Variants in PTPRN2 observed in about 807,000 individuals in gnomAD.
PTPRN2 encodes the protein protein tyrosine phosphatase receptor type N2.
A neutral mutation model predicts 118.8 loss-of-function variants in PTPRN2; 74 were observed. The observed-to-expected ratio is 0.62, with a 90% confidence interval of 0.52 to 0.76. The LOEUF (loss-of-function observed/expected upper bound fraction) is 0.76. Ranked by LOEUF, PTPRN2 falls within the 30% of genes least tolerant of loss-of-function variation. The probability of loss-of-function intolerance (pLI) is 0.00; values close to 1 mark genes in which losing one functional copy is unlikely to be tolerated. For missense variants in PTPRN2, 1,481 were observed against 1,394.4 expected (o/e 1.06, Z -0.99); for synonymous variants, 641 against 608.0 (o/e 1.05, Z -0.80).
At chr7:158,499,350 G>A (rs1351332529) in intron 1 of PTPRN2, among the ~76,000 whole-genome samples, 1 of 152,124 alleles carries the variant, frequency 6.6e-6, no homozygotes, top group Non-Finnish European at 1.5e-5. Flanking sequence ...AGAAGCAAGG[G>A]CATCACATGT....
chr7:158,036,713 A>G lies in PTPRN2; in HGVS notation c.1723+44585T>C, dbSNP rs141661850. On this transcript the variant is annotated intron_variant, in intron 11 of 22. Coordinates refer to ENST00000389418, the MANE Select transcript of PTPRN2 (RefSeq NM_002847.5). Reference sequence around the variant, plus strand: ...CAAGAATAAGATTTGGTCCATTCAAAATTTTTTAAATTTTAAGAAACTAGG... The same window carrying G: ...CAAGAATAAGATTTGGTCCATTCAAGATTTTTTAAATTTTAAGAAACTAGG... Among the ~76,000 whole-genome samples the G allele has an allele frequency of 4.4e-3, 664 of 152,304 alleles. 7 individuals are homozygous for G. The highest frequency in any genetic ancestry group is 0.015 in the African/African-American group (638 of 41,564).
intron 21 of PTPRN2, among the ~76,000 whole-genome samples, chr7:157,559,550 C>G (rs986963443): frequency 6.6e-6 from 1 of 152,138 alleles, no homozygotes; most frequent in African/African-American, 2.4e-5. Context: ...ATGGAGCAAC[C>G]AGGCTGTGAG....
At chr7:158,342,457 AC>A (rs1807081446) in intron 2 of PTPRN2, among the ~76,000 whole-genome samples, 1 of 97,646 alleles carries the variant, frequency 1.0e-5, no homozygotes, top group Non-Finnish European at 2.1e-5. Flanking sequence ...TCACACCCAC[AC>A]TCTCACCATA....
Position 157,632,709 on chromosome 7 carries a change from C to T in PTPRN2, c.2197-11200G>A, listed in dbSNP as rs192027358. 3.0e-4 allele frequency among the ~76,000 whole-genome samples: 46 copies of T among 152,052 alleles called. No homozygotes were observed. Among genetic ancestry groups the T allele is most frequent in the Admixed American group, 1.9e-3 (29 of 15,274 alleles). ...TTTCAGGCTGTCATTCTCAGAGAAG[C>T]GCAAAGAATTTTAAATGAACAATTT... On this transcript the variant is annotated intron_variant, in intron 14 of 22. Coordinates refer to ENST00000389418, the MANE Select transcript of PTPRN2 (RefSeq NM_002847.5). The surrounding 1 kb of genome is among the most constrained non-coding windows in gnomAD (Gnocchi z 4.3).
chr7:158,421,946 G>A (rs4909217), intron 2 of PTPRN2, among the ~76,000 whole-genome samples: 148,086 of 152,326 alleles, frequency 0.97, 72,015 homozygotes, highest in African/African-American at 0.99. Context: ...TCATTTTCAG[G>A]TCTGTGAAAT....
chr7:158,348,130 T>C (rs1157112215), intron 2 of PTPRN2, among the ~76,000 whole-genome samples: 1 of 152,128 alleles, frequency 6.6e-6, no homozygotes, highest in Non-Finnish European at 1.5e-5. Flanking sequence ...TCATGCAGAT[T>C]GGTTGCTAAG....
At chr7:158,458,597 C>T (rs1818715779) in intron 2 of PTPRN2, among the ~76,000 whole-genome samples, 1 of 152,184 alleles carries the variant, frequency 6.6e-6, no homozygotes, top group African/African-American at 2.4e-5. Context: ...CAGCATCACC[C>T]TCTCGTGCGG....
chr7:158,434,913 A>G (rs1232711950), intron 2 of PTPRN2, among the ~76,000 whole-genome samples: 3 of 152,210 alleles, frequency 2.0e-5, no homozygotes, highest in South Asian at 2.1e-4. Flanking sequence ...ACATAACAAA[A>G]TTGGACCGTT....
At position 158,424,492 on chromosome 7, in the gene PTPRN2, T is replaced by A. The variant is rs770697418; in HGVS notation, c.163+65243A>T. On this transcript the variant is annotated intron_variant, in intron 2 of 22. Transcript: ENST00000389418. ...TGTGACCACCGGAGATGAATATTAG[T>A]GAAAGAACTGACTCTCCCGATTCCT... is the stretch of plus-strand genomic sequence containing the variant. 1.0e-3 allele frequency among the ~76,000 whole-genome samples: 154 copies of A among 151,710 alleles called. 3 individuals carry two copies. Among genetic ancestry groups the A allele is most frequent in the Non-Finnish European group, 1.3e-3 (88 of 67,836 alleles).
chr7:158,109,958 G>A (rs765561754), intron 10 of PTPRN2, among the ~76,000 whole-genome samples: 5 of 152,054 alleles, frequency 3.3e-5, no homozygotes, highest in East Asian at 1.9e-4. Flanking sequence ...AGTGAATGAC[G>A]TCACCTGTGT....
chr7:158,372,413 C>G (rs1350469266), intron 2 of PTPRN2, among the ~76,000 whole-genome samples: 1 of 147,388 alleles, frequency 6.8e-6, no homozygotes, highest in Non-Finnish European at 1.5e-5. Context: ...CAGAGCTGGT[C>G]CCCCCAACAC....
chr7:157,815,659 A>G (rs1204219822), intron 12 of PTPRN2, among the ~76,000 whole-genome samples: 1 of 152,182 alleles, frequency 6.6e-6, no homozygotes, highest in African/African-American at 2.4e-5. Flanking sequence ...ACAGGCACTC[A>G]TGGGGGTCGA....
chr7:157,806,628 A>C (rs1408872387), intron 12 of PTPRN2, among the ~76,000 whole-genome samples: 1 of 152,166 alleles, frequency 6.6e-6, no homozygotes, highest in East Asian at 1.9e-4. Flanking sequence ...GTGTATGTGC[A>C]TACGCATGTA....
At chr7:158,317,431 C>T (rs932341470) in intron 2 of PTPRN2, among the ~76,000 whole-genome samples, 5 of 152,198 alleles carry the variant, frequency 3.3e-5, no homozygotes, top group East Asian at 1.9e-4. Context: ...TCCTTTCCGG[C>T]GGCGCAGGAG....
At chr7:157,661,564 C>A (rs1563318090) in intron 13 of PTPRN2, among the ~76,000 whole-genome samples, 1 of 152,082 alleles carries the variant, frequency 6.6e-6, no homozygotes, top group African/African-American at 2.4e-5. Context: ...ATCTGAGCAG[C>A]GATAAGGCCG....
Position 158,155,101 on chromosome 7 carries a change from G to A in PTPRN2, c.910+11830C>T, listed in dbSNP as rs185253022. Among the ~76,000 whole-genome samples, 215 of 152,262 alleles carry A rather than the reference G, an allele frequency of 1.4e-3. No homozygotes were observed. In the Middle Eastern group the frequency reaches 0.027, roughly 19 times the overall value. On this transcript the variant is annotated intron_variant, in intron 6 of 22. Coordinates refer to ENST00000389418, the MANE Select transcript of PTPRN2 (RefSeq NM_002847.5). ...AATGACATTTTAAGTAGCTTTCAGT[G>A]CTCCAACTGGGCTCTCATAAGGCAA...
chr7:158,376,523 A>T (rs1307752991), intron 2 of PTPRN2, among the ~76,000 whole-genome samples: 1 of 92,244 alleles, frequency 1.1e-5, no homozygotes, highest in South Asian at 4.2e-4. Context: ...ACGTCCTGAG[A>T]GGGGGGTCAG....
chr7:157,738,130 G>A (rs1800408544), intron 12 of PTPRN2, among the ~76,000 whole-genome samples: 1 of 152,204 alleles, frequency 6.6e-6, no homozygotes, highest in Admixed American at 6.5e-5. Flanking sequence ...TACTTCTTTT[G>A]AAACATCTAT....
At chr7:158,365,111 T>C (rs996650556) in intron 2 of PTPRN2, among the ~76,000 whole-genome samples, 1 of 152,192 alleles carries the variant, frequency 6.6e-6, no homozygotes, top group African/African-American at 2.4e-5. Context: ...CCTTCACTCT[T>C]CAGACACAAT....
Sources: allele counts gnomAD v4.1 joint callset (sites outside exome capture counted in the v4.1 genomes callset), GRCh38; gene constraint gnomAD v4.1.1; non-coding constraint Gnocchi (gnomAD v3.1); transcripts MANE v1.5; gene names NCBI Gene and HGNC (gene_info 2026-07-23, HGNC 2026-07-21).